The following ENOX1 variants were observed in gnomAD, a reference collection of about 807,000 sequenced individuals.
ENOX1 encodes ecto-NOX disulfide-thiol exchanger 1.
ENOX1 carries 42 observed loss-of-function variants against 82.5 expected under a neutral mutation model. The observed-to-expected ratio is 0.51, with a 90% confidence interval of 0.40 to 0.66. The LOEUF is 0.66. ENOX1 is among the 30% of genes least tolerant of loss of function. The pLI, the probability that ENOX1 is intolerant of heterozygous loss-of-function variation, is 0.00. For missense variants in ENOX1, 608 were observed against 811.6 expected (o/e 0.75, Z 3.05); for synonymous variants, 271 against 282.2 (o/e 0.96, Z 0.40).
At chr13:43,710,804 G>T (rs1178408689) in intron 1 of ENOX1, among the ~76,000 whole-genome samples, 1 of 151,414 alleles carries the variant, frequency 6.6e-6, no homozygotes, top group Non-Finnish European at 1.5e-5. Context: ...CTACAAAATT[G>T]CTCTACAGAA....
chr13:43,333,509 A>G (rs1210324571), intron 9 of ENOX1, among the ~76,000 whole-genome samples: 1 of 152,210 alleles, frequency 6.6e-6, no homozygotes, highest in Non-Finnish European at 1.5e-5. Context: ...CAGCAGGAGG[A>G]GAGACCTGGT....
intron 3 of ENOX1, among the ~76,000 whole-genome samples, chr13:43,470,365 C>CGTATATAT (rs1566307681): frequency 3.7e-5 from 1 of 27,356 alleles, no homozygotes; most frequent in African/African-American, 1.7e-4. Context: ...TATATATATA[C>CGTATATAT]GTATATATAT....
At chr13:43,377,910 T>C (rs745800097) in intron 5 of ENOX1, among the ~76,000 whole-genome samples, 1 of 152,236 alleles carries the variant, frequency 6.6e-6, no homozygotes, top group African/African-American at 2.4e-5. Context: ...AACACCAGTA[T>C]GGCCATATCA....
At chr13:43,624,036 C>T (rs1378138424) in intron 2 of ENOX1, among the ~76,000 whole-genome samples, 1 of 152,164 alleles carries the variant, frequency 6.6e-6, no homozygotes, top group Non-Finnish European at 1.5e-5. Flanking sequence ...TACCATTTTA[C>T]ATTCCCACCA....
chr13:43,724,865 T>C (rs1320017484), intron 1 of ENOX1, among the ~76,000 whole-genome samples: 11 of 152,260 alleles, frequency 7.2e-5, no homozygotes, highest in Admixed American at 2.0e-4. Flanking sequence ...AAATACATTT[T>C]ATACTAGTGA....
chr13:43,366,184 A>G (rs572717745), intron 5 of ENOX1, among the ~76,000 whole-genome samples: 2 of 152,308 alleles, frequency 1.3e-5, no homozygotes, highest in South Asian at 4.1e-4. Flanking sequence ...ATTCTTAAAA[A>G]ACTGTTTTGT....
At chr13:43,710,379 T>C (rs1471369864) in intron 1 of ENOX1, among the ~76,000 whole-genome samples, 2 of 152,146 alleles carry the variant, frequency 1.3e-5, no homozygotes, top group Non-Finnish European at 1.5e-5. Context: ...TCTCAATAAA[T>C]GTAGAAATAA....
chr13:43,732,741 A>G (rs544462042), intron 1 of ENOX1, among the ~76,000 whole-genome samples: 7 of 152,342 alleles, frequency 4.6e-5, no homozygotes, highest in African/African-American at 1.7e-4. Flanking sequence ...AAAAGTTCAG[A>G]GGGCAGAGCA....
chr13:43,436,154 T>C lies in ENOX1; in HGVS notation c.-74-23166A>G, dbSNP rs115007053. Among the ~76,000 whole-genome samples, 403 of 152,310 alleles carry C rather than the reference T, an allele frequency of 2.6e-3. 3 individuals are homozygous for C. The highest frequency in any genetic ancestry group is 9.0e-3 in the African/African-American group (376 of 41,568). ...AATAGTAGTTTTATTCTCTAAAAAG[T>C]TGCTTTGAGAAAAATGTCAAGGGAT... On this transcript the variant is annotated intron_variant, in intron 3 of 16. Transcript: ENST00000690772.
chr13:43,356,421 A>G (rs2050161195), intron 7 of ENOX1, among the ~76,000 whole-genome samples: 2 of 152,164 alleles, frequency 1.3e-5, no homozygotes, highest in Admixed American at 6.5e-5. Flanking sequence ...AGTATCCCCA[A>G]GAGAAGATGA....
At chr13:43,375,527 C>A (rs561143385) in intron 5 of ENOX1, among the ~76,000 whole-genome samples, 46 of 152,286 alleles carry the variant, frequency 3.0e-4, no homozygotes, top group African/African-American at 1.1e-3. Context: ...CCTAAGGTGC[C>A]CCCAGTCCGT....
intron 2 of ENOX1, among the ~76,000 whole-genome samples, chr13:43,534,113 T>C (rs2078349123): frequency 6.6e-6 from 1 of 152,036 alleles, no homozygotes; most frequent in Admixed American, 6.6e-5. Flanking sequence ...GCCTCCTTAA[T>C]CCAACATACC....
chr13:43,724,749 T>C (rs939344560), intron 1 of ENOX1, among the ~76,000 whole-genome samples: 1 of 152,218 alleles, frequency 6.6e-6, no homozygotes, highest in Non-Finnish European at 1.5e-5. Context: ...TAATTCACCC[T>C]TTCTCAAAAG....
intron 2 of ENOX1, among the ~76,000 whole-genome samples, chr13:43,494,077 C>G (rs1046464701): frequency 1.3e-5 from 2 of 152,048 alleles, no homozygotes; most frequent in Non-Finnish European, 2.9e-5. Flanking sequence ...GAAAAACTGC[C>G]CTTATGATTC....
intron 3 of ENOX1, among the ~76,000 whole-genome samples, chr13:43,430,334 C>T (rs949028258): frequency 1.2e-4 from 19 of 152,174 alleles, no homozygotes; most frequent in African/African-American, 4.3e-4. Context: ...AATAGCAATA[C>T]CAAGATGTAG....
intron 2 of ENOX1, among the ~76,000 whole-genome samples, chr13:43,519,906 G>A (rs2077697196): frequency 6.6e-6 from 1 of 152,098 alleles, no homozygotes; most frequent in Admixed American, 6.5e-5. Context: ...GTCTGGACTT[G>A]CAGTGGGTTT....
In ENOX1 at chr13:43,350,091, T is replaced by A. The variant is rs963564035; in HGVS notation, c.824-5341A>T. Among the ~76,000 whole-genome samples the A allele has an allele frequency of 3.3e-5, 5 of 152,334 alleles. No individual in the cohort carries two copies. The South Asian group carries it at 1.0e-3, about 32-fold the overall frequency. ...CAACTTTGTAGGAGTAGAACATAAA[T>A]TGTGGCAAACTGATAACAATACAAA... On this transcript the variant is annotated intron_variant, in intron 8 of 16. Transcript: ENST00000690772.
At chr13:43,651,673 G>A (rs1231114166) in intron 2 of ENOX1, among the ~76,000 whole-genome samples, 1 of 105,148 alleles carries the variant, frequency 9.5e-6, no homozygotes, top group African/African-American at 3.2e-5. Flanking sequence ...CTCCAGCCTG[G>A]GCGACATAGC....
intron 1 of ENOX1, among the ~76,000 whole-genome samples, chr13:43,677,621 A>G (rs554945869): frequency 5.9e-5 from 9 of 152,362 alleles, no homozygotes; most frequent in Admixed American, 5.9e-4. Flanking sequence ...GGTGCCAATT[A>G]TCATAGTGAT....
Sources: gnomAD v4.1 joint callset for allele counts (sites outside exome capture counted in the v4.1 genomes callset) on GRCh38, gnomAD v4.1.1 for gene constraint, MANE v1.5 for transcripts, NCBI Gene and HGNC (gene_info 2026-07-23, HGNC 2026-07-21) for gene names.